PTGER3: variants seen among roughly 807,000 people sequenced by gnomAD.
PTGER3 encodes the protein prostaglandin E2 receptor EP3 subtype.
In PTGER3, 22 loss-of-function variants were observed where a neutral mutation model predicts 34.7. The observed-to-expected ratio is 0.63, with a 90% confidence interval of 0.45 to 0.91. PTGER3 has a LOEUF of 0.91. PTGER3 is among the 40% of genes least tolerant of loss of function. PTGER3 has a pLI of 0.00. For missense variants in PTGER3, 468 were observed against 519.4 expected (o/e 0.90, Z 0.96); for synonymous variants, 241 against 230.1 (o/e 1.05, Z -0.43).
intron 1 of PTGER3, among the ~76,000 whole-genome samples, chr1:71,036,970 A>G (rs1659889555): frequency 6.9e-6 from 1 of 145,620 alleles, no homozygotes; most frequent in Admixed American, 7.0e-5. Flanking sequence ...CTTTGAGTCC[A>G]TGTACTCACT....
chr1:70,952,811 G>C (rs1423563833), exon 4 of PTGER3: 1 of 1,407,082 alleles, frequency 7.1e-7, no homozygotes, highest in Non-Finnish European at 9.3e-7. Context: ...TCAACACATG[G>C]AAAGTGCTCA....
chr1:70,883,882 G>C (rs1646443599), intron 4 of PTGER3: 1 of 237,170 alleles, frequency 4.2e-6, no homozygotes, highest in African/African-American at 2.4e-5. Context: ...GGCAAACATG[G>C]TGAAACCTCA....
chr1:70,974,280 C>T lies in PTGER3; in HGVS notation c.1169+17G>A. 3 of 1,612,422 alleles carry T rather than the reference C, an allele frequency of 1.9e-6. No individual in the cohort carries two copies. The East Asian group carries it at 6.7e-5, about 36-fold the overall frequency. ...GGGAAGGCTATGCTATAAATCCCGGCAGTTTCTAAATCTCACCTTTCCAAA... is the reference window on the plus strand; with the variant it reads ...GGGAAGGCTATGCTATAAATCCCGGTAGTTTCTAAATCTCACCTTTCCAAA... On this transcript the variant is annotated intron_variant, in intron 3 of 3. Coordinates refer to ENST00000306666, the MANE Select transcript of PTGER3 (RefSeq NM_198719.2).
intron 2 of PTGER3, among the ~76,000 whole-genome samples, chr1:70,987,493 T>C (rs1655035288): frequency 1.3e-5 from 2 of 152,198 alleles, no homozygotes; most frequent in East Asian, 3.9e-4. Context: ...AATAAAAGAC[T>C]ATAATAAATA....
Position 71,047,511 on chromosome 1 carries a change from C to T in PTGER3, c.67G>A (p.Gly23Ser). ...FCTRLNHSYT[G>S]MWAPERSAEA... Reference sequence around the variant, plus strand: ...GCGGAACGCTCGGGCGCCCACATGCCTGTGTAGGAGTGGTTGAGGCGGGTG... The same window carrying T: ...GCGGAACGCTCGGGCGCCCACATGCTTGTGTAGGAGTGGTTGAGGCGGGTG... The change falls in exon 1 of 4, where the codon GGC (glycine) becomes AGC (serine). Residue 23 changes from glycine (G) to serine (S), a missense_variant. This residue lies in a region of PTGER3 where 151 missense variants were observed against 133.5 expected (regional missense o/e 1.13). Transcript: ENST00000306666. 2 of 1,602,718 alleles carry T rather than the reference C, an allele frequency of 1.2e-6. No individual in the cohort carries two copies. Among genetic ancestry groups the T allele is most frequent in the South Asian group, 1.1e-5 (1 of 88,996 alleles).
chr1:70,895,064 T>C (rs187160580), intron 4 of PTGER3, among the ~76,000 whole-genome samples: 4 of 152,316 alleles, frequency 2.6e-5, no homozygotes, highest in Admixed American at 2.6e-4. Context: ...TGACTCTCAA[T>C]TGATTATTGA....
At chr1:70,951,751 T>C (rs760806226), downstream of PTGER3, among the ~76,000 whole-genome samples, 8 of 152,174 alleles carry the variant, frequency 5.3e-5, no homozygotes, top group Admixed American at 2.0e-4. Flanking sequence ...CTTGGTAGAT[T>C]CAAGGACAGA....
chr1:70,937,789 C>T (rs1400004281), intron 4 of PTGER3, among the ~76,000 whole-genome samples: 3 of 151,536 alleles, frequency 2.0e-5, no homozygotes, highest in Admixed American at 1.3e-4. Flanking sequence ...AATAGAATAC[C>T]CTTTTAAAGA....
At chr1:70,968,709 G>GT (rs1411722466), downstream of PTGER3, among the ~76,000 whole-genome samples, 7 of 151,600 alleles carry the variant, frequency 4.6e-5, no homozygotes, top group South Asian at 1.5e-3. Context: ...AACTAAAGTA[G>GT]TTTTTTAAGT....
chr1:71,005,583 T>A (rs1367079956), intron 2 of PTGER3, among the ~76,000 whole-genome samples: 1 of 152,154 alleles, frequency 6.6e-6, no homozygotes, highest in East Asian at 1.9e-4. Flanking sequence ...AATTCTTGGG[T>A]CTTAGTACCT....
chr1:70,925,815 T>A (rs1034688285), intron 4 of PTGER3, among the ~76,000 whole-genome samples: 6 of 152,142 alleles, frequency 3.9e-5, no homozygotes, highest in Admixed American at 2.6e-4. Context: ...TCTGGCAATG[T>A]TCTAGGATGT....
At chr1:70,870,272 C>A (rs1646135130) in intron 4 of PTGER3, among the ~76,000 whole-genome samples, 1 of 152,186 alleles carries the variant, frequency 6.6e-6, no homozygotes, top group Non-Finnish European at 1.5e-5. Context: ...GGAGCATTGT[C>A]CTGAGGTTGT....
intron 4 of PTGER3, among the ~76,000 whole-genome samples, chr1:70,911,289 C>T (rs1487508366): frequency 2.0e-5 from 3 of 150,780 alleles, no homozygotes; most frequent in Non-Finnish European, 2.9e-5. Flanking sequence ...TTTTTTTGTA[C>T]TCAGTCATAC....
chr1:70,870,702 C>A (rs372721074), intron 4 of PTGER3, among the ~76,000 whole-genome samples: 26 of 152,202 alleles, frequency 1.7e-4, no homozygotes, highest in African/African-American at 6.3e-4. Flanking sequence ...TTGTCACTCT[C>A]AAGTTCAAAC....
intron 2 of PTGER3, chr1:71,009,126 TA>T: frequency 1.0e-6 from 1 of 985,080 alleles, no homozygotes; most frequent in Non-Finnish European, 1.2e-6. Flanking sequence ...GTTGAATAAA[TA>T]AAAAGCCTAA....
chr1:71,012,925 ATATTATTATTAT>A (rs3044614), intron 1 of PTGER3, among the ~76,000 whole-genome samples: 1 of 150,436 alleles, frequency 6.6e-6, no homozygotes, highest in Admixed American at 6.6e-5. Flanking sequence ...AAAGGAGGAA[ATATTATTATTAT>A]TATTATTATT....
At chr1:70,855,373 GA>G (rs1385134225) in intron 4 of PTGER3, among the ~76,000 whole-genome samples, 1 of 152,056 alleles carries the variant, frequency 6.6e-6, no homozygotes, top group Non-Finnish European at 1.5e-5. Flanking sequence ...TTTGCAAAAT[GA>G]AAAACTTTTA....
chr1:71,039,261 T>C (rs1007516675), intron 1 of PTGER3, among the ~76,000 whole-genome samples: 1 of 152,054 alleles, frequency 6.6e-6, no homozygotes, highest in South Asian at 2.1e-4. Flanking sequence ...CAGTGTGTTT[T>C]GGAGTTAGAG....
At chr1:71,041,108 T>C (rs1466286654) in intron 1 of PTGER3, among the ~76,000 whole-genome samples, 1 of 152,208 alleles carries the variant, frequency 6.6e-6, no homozygotes, top group Non-Finnish European at 1.5e-5. Flanking sequence ...AAAACAGGGT[T>C]ACGTCTGGGT....
Sources: gnomAD v4.1 joint callset for allele counts (sites outside exome capture counted in the v4.1 genomes callset) on GRCh38, gnomAD v4.1.1 for gene constraint, gnomAD v4.1.1 regional missense constraint, MANE v1.5 for transcripts, NCBI Gene and HGNC (gene_info 2026-07-23, HGNC 2026-07-21) for gene names.